Variants in RPTOR observed in about 807,000 individuals in gnomAD.
RPTOR encodes the protein regulatory associated protein of MTOR complex 1, also known as regulatory-associated protein of mTOR.
RPTOR carries 21 observed loss-of-function variants against 169.9 expected under a neutral mutation model. The ratio of observed to expected loss-of-function variants is 0.12; its 90% confidence interval spans 0.09 to 0.18. RPTOR has a LOEUF of 0.18. RPTOR is among the 10% of genes least tolerant of loss of function. RPTOR has a pLI of 1.00. For missense variants in RPTOR, 1,133 were observed against 1,855.9 expected (o/e 0.61, Z 7.16); for synonymous variants, 732 against 753.2 (o/e 0.97, Z 0.46).
At chr17:80,661,417 C>T (rs1435093553) in intron 3 of RPTOR, among the ~76,000 whole-genome samples, 4 of 152,148 alleles carry the variant, frequency 2.6e-5, no homozygotes, top group Non-Finnish European at 4.4e-5. Context: ...AGGAGTCGCG[C>T]GGGAGCCCCA....
chr17:80,851,688 C>T (rs1009792553), intron 11 of RPTOR, among the ~76,000 whole-genome samples: 14 of 152,240 alleles, frequency 9.2e-5, no homozygotes, highest in South Asian at 2.1e-4. Flanking sequence ...GTGGGACACT[C>T]GGGACCACAT....
At chr17:80,670,925 C>T (rs887271987) in intron 3 of RPTOR, among the ~76,000 whole-genome samples, 2 of 152,136 alleles carry the variant, frequency 1.3e-5, no homozygotes, top group South Asian at 4.2e-4. Context: ...CCTTGTTACC[C>T]TCTCTGTGGT....
intron 3 of RPTOR, among the ~76,000 whole-genome samples, chr17:80,699,281 CAG>C (rs2066062976): frequency 6.6e-6 from 1 of 152,120 alleles, no homozygotes; most frequent in Non-Finnish European, 1.5e-5. Context: ...ATGAGTAAAT[CAG>C]CAGGTAGAGT....
chr17:80,586,244 C>T (rs1271642588), intron 1 of RPTOR, among the ~76,000 whole-genome samples: 1 of 152,116 alleles, frequency 6.6e-6, no homozygotes, highest in Non-Finnish European at 1.5e-5. Context: ...GCCTATTTTT[C>T]TCTGAAATTG....
At chr17:80,924,403 T>C (rs1045747027) in intron 23 of RPTOR, among the ~76,000 whole-genome samples, 1 of 152,124 alleles carries the variant, frequency 6.6e-6, no homozygotes, top group Non-Finnish European at 1.5e-5. Flanking sequence ...GCTCGCTTGG[T>C]AATCCAGTGA....
At chr17:80,869,440 G>GC (rs2068028199) in intron 13 of RPTOR, among the ~76,000 whole-genome samples, 3 of 152,204 alleles carry the variant, frequency 2.0e-5, no homozygotes, top group Non-Finnish European at 4.4e-5. Context: ...ACAGGCGTGA[G>GC]CCACTACACC....
Position 80,965,931 on chromosome 17 carries a change from C to A in RPTOR, c.*1601C>A. On this transcript the variant is annotated 3_prime_UTR_variant, in exon 34 of 34. Transcript: ENST00000306801. ...CCGGGTCCGGAAGGTGTAGAGAGTC[C>A]CGGCCTCACTCAGCTCACAGGGCGT... is the stretch of plus-strand genomic sequence containing the variant. 4.3e-6 allele frequency: 1 copy of A among 233,350 alleles called. No individual in the cohort carries two copies. The highest frequency in any genetic ancestry group is 8.5e-6 in the Non-Finnish European group (1 of 118,104). The allele number at this position is 233,350 out of a possible 1,614,324, so 14.5% of individuals were successfully genotyped here. A position where few individuals can be genotyped will look rare whatever the true frequency, so the allele number is the denominator to read the frequency against.
chr17:80,610,119 A>C (rs2065259503), intron 1 of RPTOR, among the ~76,000 whole-genome samples: 1 of 151,734 alleles, frequency 6.6e-6, no homozygotes, highest in African/African-American at 2.4e-5. Context: ...TCCTTTCCTC[A>C]TCCTCCTCTA....
intron 8 of RPTOR, among the ~76,000 whole-genome samples, chr17:80,822,787 T>G (rs562954433): frequency 1.2e-5 from 1 of 81,494 alleles, no homozygotes; most frequent in Admixed American, 9.2e-5. Flanking sequence ...TACACCTGTA[T>G]GTGTGTGCGT....
chr17:80,837,317 T>C (rs1403359365), intron 9 of RPTOR, among the ~76,000 whole-genome samples: 5 of 151,972 alleles, frequency 3.3e-5, no homozygotes, highest in Non-Finnish European at 7.4e-5. Flanking sequence ...AGGAACTGAC[T>C]GAGCAGGTGG....
chr17:80,952,038 G>A (rs1598421745), intron 28 of RPTOR, among the ~76,000 whole-genome samples: 1 of 152,216 alleles, frequency 6.6e-6, no homozygotes, highest in South Asian at 2.1e-4. Context: ...ATGAGGTCAC[G>A]GTGTCAAGGG....
rs2066024906 is a variant in RPTOR, at chr17:80,695,043, G to T, written c.349-12798G>T. Among the ~76,000 whole-genome samples the T allele has an allele frequency of 6.6e-6, 1 of 152,172 alleles. No homozygotes were observed. The highest frequency in any genetic ancestry group is 1.5e-5 in the Non-Finnish European group (1 of 68,016). On this transcript the variant is annotated intron_variant, in intron 3 of 33. Transcript: ENST00000306801. This position sits in a 1 kb window ranked among gnomAD's most constrained non-coding sequence, Gnocchi z 4.9. ...CCTGGGGGCTGAGCTGGGCTGCCTG[G>T]CTTTGACATGGGCCTGTGCGGGGCT...
At chr17:80,932,926 A>G (rs1352091571) in intron 24 of RPTOR, among the ~76,000 whole-genome samples, 2 of 152,244 alleles carry the variant, frequency 1.3e-5, no homozygotes, top group African/African-American at 4.8e-5. Flanking sequence ...CATTACTTAC[A>G]GGGGAACAAG....
intron 1 of RPTOR, 97 bp downstream of exon 1, chr17:80,545,888 C>G: frequency 1.9e-6 from 2 of 1,060,482 alleles, no homozygotes. Context: ...GCCGACATTT[C>G]CCCCTAGCCA....
At chr17:80,637,878 T>C (rs1420184006) in intron 2 of RPTOR, among the ~76,000 whole-genome samples, 1 of 152,262 alleles carries the variant, frequency 6.6e-6, no homozygotes, top group African/African-American at 2.4e-5. Context: ...GTGATCGCCC[T>C]TGGCGGCGGC....
At chr17:80,891,228 C>T (rs762531166) in intron 17 of RPTOR, among the ~76,000 whole-genome samples, 1 of 152,248 alleles carries the variant, frequency 6.6e-6, no homozygotes, top group Admixed American at 6.5e-5. Context: ...CTAGAAACAT[C>T]TACCAATGAA....
chr17:80,692,848 T>C (rs931223258), intron 3 of RPTOR, among the ~76,000 whole-genome samples: 1 of 152,244 alleles, frequency 6.6e-6, no homozygotes, highest in African/African-American at 2.4e-5. Flanking sequence ...AAATGAAGTT[T>C]ATTGAAAGGA....
chr17:80,604,272 G>A (rs2065212357), intron 1 of RPTOR, among the ~76,000 whole-genome samples: 1 of 152,200 alleles, frequency 6.6e-6, no homozygotes, highest in Non-Finnish European at 1.5e-5. Context: ...ATGTTAACTT[G>A]GATAGAAACA....
intron 6 of RPTOR, chr17:80,774,255 C>T (rs1008229609): frequency 2.3e-5 from 23 of 985,404 alleles, no homozygotes; most frequent in African/African-American, 1.6e-4. Flanking sequence ...ATGATGCTCA[C>T]GCTCCGGTGT....
Sources: allele counts gnomAD v4.1 joint callset (sites outside exome capture counted in the v4.1 genomes callset), GRCh38; gene constraint gnomAD v4.1.1; non-coding constraint Gnocchi (gnomAD v3.1); transcripts MANE v1.5; gene names NCBI Gene and HGNC (gene_info 2026-07-23, HGNC 2026-07-21).